CNTNAP5: variants seen among roughly 807,000 people sequenced by gnomAD.
CNTNAP5 encodes the protein contactin associated protein family member 5.
A neutral mutation model predicts 150.2 loss-of-function variants in CNTNAP5; 72 were observed. The observed-to-expected ratio is 0.48, with a 90% CI of 0.40 to 0.58. The LOEUF (loss-of-function observed/expected upper bound fraction) is 0.58. Among genes scored for constraint, CNTNAP5 ranks in the 20% least tolerant of loss-of-function variants. The pLI is 0.00. For missense variants in CNTNAP5, 1,636 were observed against 1,626.2 expected, an observed-to-expected ratio of 1.01 and a Z score of -0.10; for synonymous variants, 672 against 619.8, an observed-to-expected ratio of 1.08 and a Z score of -1.25.
At chr2:124,082,596 C>T (rs967856593) in intron 1 of CNTNAP5, among the ~76,000 whole-genome samples, 5 of 152,140 alleles carry the variant, frequency 3.3e-5, no homozygotes, top group African/African-American at 1.2e-4. Flanking sequence ...TGAGCCATTA[C>T]AAACAAGACT....
chr2:124,524,842 G>C lies in CNTNAP5; in HGVS notation c.1477+390G>C, dbSNP rs541154798. On this transcript the variant is annotated intron_variant, in intron 9 of 23. Transcript: ENST00000682447. Reference sequence around the variant, plus strand: ...ACCTGCAAGAGGCAAAATTCAGGTGGAAAGGCACAATCAGCATGCTTAGCA... The same window carrying C: ...ACCTGCAAGAGGCAAAATTCAGGTGCAAAGGCACAATCAGCATGCTTAGCA... Among the ~76,000 whole-genome samples the C allele has an allele frequency of 6.1e-4, 93 of 152,318 alleles. 1 individual carries two copies. The highest frequency in any genetic ancestry group is 1.8e-3 in the African/African-American group (76 of 41,574).
intron 13 of CNTNAP5, among the ~76,000 whole-genome samples, chr2:124,675,787 AT>A (rs1247162262): frequency 2.0e-5 from 3 of 152,084 alleles, no homozygotes; most frequent in Non-Finnish European, 4.4e-5. Flanking sequence ...CTTTAGAGAT[AT>A]TTTTATTTAT....
chr2:124,593,253 T>A (rs1696743026), intron 11 of CNTNAP5, among the ~76,000 whole-genome samples: 1 of 142,592 alleles, frequency 7.0e-6, no homozygotes, highest in Non-Finnish European at 1.5e-5. Context: ...TCATCTAGCA[T>A]TAGGTATATC....
intron 13 of CNTNAP5, among the ~76,000 whole-genome samples, chr2:124,683,418 A>G (rs896824413): frequency 6.6e-6 from 1 of 151,976 alleles, no homozygotes; most frequent in African/African-American, 2.4e-5. Flanking sequence ...TTGGGGAGAA[A>G]AGGTGGTATT....
intron 13 of CNTNAP5, among the ~76,000 whole-genome samples, chr2:124,650,873 G>A (rs570779426): frequency 2.0e-5 from 3 of 152,114 alleles, no homozygotes; most frequent in Admixed American, 6.5e-5. Context: ...TCTGTTACAC[G>A]TAATGCTGCA....
chr2:124,678,205 C>A (rs1678988019), intron 13 of CNTNAP5, among the ~76,000 whole-genome samples: 1 of 151,768 alleles, frequency 6.6e-6, no homozygotes, highest in Non-Finnish European at 1.5e-5. Context: ...TTCATGACTG[C>A]CTCCCCAGGA....
chr2:124,862,463 GA>G (rs1677546113), intron 19 of CNTNAP5, among the ~76,000 whole-genome samples: 1 of 152,164 alleles, frequency 6.6e-6, no homozygotes. Context: ...AGGGGATGGG[GA>G]CAGAAAACTC....
intron 18 of CNTNAP5, among the ~76,000 whole-genome samples, chr2:124,791,867 C>T (rs573658452): frequency 9.9e-5 from 15 of 151,996 alleles, no homozygotes; most frequent in Non-Finnish European, 1.6e-4. Flanking sequence ...TTTTCATATG[C>T]TTCGTATTTT....
intron 13 of CNTNAP5, among the ~76,000 whole-genome samples, chr2:124,730,320 C>T (rs138807797): frequency 7.3e-5 from 11 of 150,874 alleles, no homozygotes; most frequent in East Asian, 1.9e-4. Context: ...TACAGGTGTG[C>T]GCGTGTGTGT....
At chr2:124,215,712 C>CAAAAAAAAAAAAAAAAAAAAAAAAAGAA (rs397985759) in intron 1 of CNTNAP5, among the ~76,000 whole-genome samples, 1 of 82,070 alleles carries the variant, frequency 1.2e-5, no homozygotes, top group Non-Finnish European at 2.5e-5. Flanking sequence ...AGAAGAAAGG[C>CAAAAAAAAAAAAAAAAAAAAAAAAAGAA]AAAAAAAAAA....
chr2:124,190,933 T>C (rs1389265882), intron 1 of CNTNAP5, among the ~76,000 whole-genome samples: 2 of 152,336 alleles, frequency 1.3e-5, no homozygotes, highest in African/African-American at 2.4e-5. Context: ...CTTCTCATTC[T>C]CTGGGAGGAT....
At chr2:124,682,780 T>C (rs1679099074) in intron 13 of CNTNAP5, among the ~76,000 whole-genome samples, 1 of 152,214 alleles carries the variant, frequency 6.6e-6, no homozygotes, top group South Asian at 2.1e-4. Flanking sequence ...AGTGAATGTG[T>C]AGTTTTGAAC....
At chr2:124,320,538 C>T (rs1280284162) in intron 3 of CNTNAP5, among the ~76,000 whole-genome samples, 4 of 152,156 alleles carry the variant, frequency 2.6e-5, no homozygotes, top group Non-Finnish European at 5.9e-5. Context: ...CATGCAAGCT[C>T]AGACTCACCT....
chr2:124,398,629 T>C (rs1364853998), intron 3 of CNTNAP5, among the ~76,000 whole-genome samples: 2 of 152,114 alleles, frequency 1.3e-5, no homozygotes, highest in African/African-American at 4.8e-5. Context: ...TTGGAGTAGC[T>C]AGGATTACAG....
intron 3 of CNTNAP5, among the ~76,000 whole-genome samples, chr2:124,397,726 T>C (rs1219013891): frequency 6.6e-6 from 1 of 152,220 alleles, no homozygotes; most frequent in Non-Finnish European, 1.5e-5. Context: ...TGAAAGATGA[T>C]ATGAATGGCC....
rs185251934 is a variant in CNTNAP5 at position 124,260,579 on chromosome 2, C to T, written c.381+18186C>T. Among the ~76,000 whole-genome samples, 210 of 152,284 alleles carry T rather than the reference C, an allele frequency of 1.4e-3. 1 individual carries two copies. The highest frequency in any genetic ancestry group is 4.7e-3 in the African/African-American group (196 of 41,552). On this transcript the variant is annotated intron_variant, in intron 3 of 23. Transcript: ENST00000682447. ...AGAAACTGCCATCAGAGTGAATAGG[C>T]AACCTACAGAAGGGGAGAAAATTTT...
chr2:124,707,144 GAAGAAGAA>G (rs1679698828), intron 13 of CNTNAP5, among the ~76,000 whole-genome samples: 1 of 30,924 alleles, frequency 3.2e-5, no homozygotes, highest in African/African-American at 9.7e-5. Context: ...AGAAGAGGAA[GAAGAAGAA>G]GAAGAAGAAG....
chr2:124,508,002 C>T (rs1398843701), intron 8 of CNTNAP5, among the ~76,000 whole-genome samples: 1 of 151,982 alleles, frequency 6.6e-6, no homozygotes, highest in Non-Finnish European at 1.5e-5. Context: ...CAGCTTGTGT[C>T]CAAATGGAGG....
chr2:124,392,981 G>T (rs1691159339), intron 3 of CNTNAP5, among the ~76,000 whole-genome samples: 1 of 152,074 alleles, frequency 6.6e-6, no homozygotes, highest in Non-Finnish European at 1.5e-5. Flanking sequence ...TAGCTTTTTA[G>T]GTTACTGTGT....
Sources: allele counts gnomAD v4.1 joint callset (sites outside exome capture counted in the v4.1 genomes callset), GRCh38; gene constraint gnomAD v4.1.1; transcripts MANE v1.5; gene names NCBI Gene and HGNC (gene_info 2026-07-23, HGNC 2026-07-21).